The following SEL1L2 variants were observed in gnomAD, a reference collection of about 807,000 sequenced individuals.
SEL1L2 encodes SEL1L2 adaptor subunit of SYVN1 ubiquitin ligase.
A neutral mutation model predicts 98.8 loss-of-function variants in SEL1L2; 89 were observed. The ratio of observed to expected loss-of-function variants is 0.90; its 90% CI spans 0.76 to 1.07. The LOEUF (loss-of-function observed/expected upper bound fraction) is 1.07. SEL1L2 is among the 50% of genes least tolerant of loss of function. The pLI, the probability that SEL1L2 is intolerant of heterozygous loss-of-function variation, is 0.00. For synonymous variants in SEL1L2, 262 were observed against 278.5 expected, an observed-to-expected ratio of 0.94 and a Z score of 0.59; for missense variants, 788 against 812.0, an observed-to-expected ratio of 0.97 and a Z score of 0.36.
intron 5 of SEL1L2, among the ~76,000 whole-genome samples, chr20:13,898,492 T>G (rs1471710274): frequency 6.6e-6 from 1 of 152,192 alleles, no homozygotes; most frequent in African/African-American, 2.4e-5. Context: ...CTGAGATACC[T>G]TCTACTCTCT....
chr20:13,922,858 A>G (rs1477091175), intron 3 of SEL1L2, among the ~76,000 whole-genome samples: 1 of 152,192 alleles, frequency 6.6e-6, no homozygotes, highest in Non-Finnish European at 1.5e-5. Flanking sequence ...AAGATTTTAG[A>G]TTTTGTGGTA....
intron 2 of SEL1L2, among the ~76,000 whole-genome samples, chr20:13,943,484 T>G (rs1179057714): frequency 6.6e-6 from 1 of 151,890 alleles, no homozygotes; most frequent in Non-Finnish European, 1.5e-5. Flanking sequence ...CTCTGGGTTT[T>G]TTTTTTTTTT....
At chr20:13,851,587 A>G (rs1361638936) in intron 18 of SEL1L2, among the ~76,000 whole-genome samples, 1 of 145,742 alleles carries the variant, frequency 6.9e-6, no homozygotes, top group Non-Finnish European at 1.5e-5. Flanking sequence ...TTTTTCATCT[A>G]CTCATGCCTT....
intron 5 of SEL1L2, among the ~76,000 whole-genome samples, chr20:13,894,513 T>A (rs1032813844): frequency 3.9e-5 from 6 of 152,134 alleles, no homozygotes; most frequent in African/African-American, 1.4e-4. Flanking sequence ...TAAGCAGAGG[T>A]CACACCACTG....
At chr20:13,940,814 T>G (rs1379865459) in intron 2 of SEL1L2, among the ~76,000 whole-genome samples, 2 of 152,000 alleles carry the variant, frequency 1.3e-5, no homozygotes, top group Non-Finnish European at 2.9e-5. Context: ...GCAGGAGAAT[T>G]GCTTGAACCC....
chr20:13,907,423 G>T lies in SEL1L2; in HGVS notation c.549+6359C>A, dbSNP rs1008665252. Among the ~76,000 whole-genome samples the T allele has an allele frequency of 1.1e-4, 17 of 152,150 alleles. No homozygotes were observed. In the South Asian group the frequency reaches 1.5e-3, roughly 13 times the overall value. Reference sequence around the variant, plus strand: ...TAAAAAAAAAACTAAAACAATATTAGCCTGGTGTGGTGGCCTATGCTTGCA... The same window carrying T: ...TAAAAAAAAAACTAAAACAATATTATCCTGGTGTGGTGGCCTATGCTTGCA... On this transcript the variant is annotated intron_variant, in intron 5 of 19. Transcript: ENST00000284951.
chr20:13,877,372 C>T (rs1417335917), intron 11 of SEL1L2, 148 bp downstream of exon 11: 7 of 542,894 alleles, frequency 1.3e-5, no homozygotes, highest in African/African-American at 3.8e-5. Context: ...AGGGTCTTGC[C>T]GTGTTGCCCA....
At chr20:13,901,548 C>T (rs1286359811) in intron 5 of SEL1L2, among the ~76,000 whole-genome samples, 1 of 152,034 alleles carries the variant, frequency 6.6e-6, no homozygotes. Flanking sequence ...TGTGACTAAG[C>T]TATCTTTTTG....
rs372736770 is a variant in SEL1L2, at chr20:13,885,338, T to C, written c.957+9A>G. On this transcript the variant is annotated intron_variant, in intron 10 of 19. Transcript: ENST00000284951. Reference sequence around the variant, plus strand: ...CACCCCATTTGACTGGATCTTGAGATTGACTTACGTAGTAATCCTGATCTA... The same window carrying C: ...CACCCCATTTGACTGGATCTTGAGACTGACTTACGTAGTAATCCTGATCTA... 10 of 1,573,888 alleles carry C rather than the reference T, an allele frequency of 6.4e-6. No homozygotes were observed. The highest frequency in any genetic ancestry group is 1.7e-4 in the Middle Eastern group (1 of 6,010).
chr20:13,961,400 G>T (rs1295557803), intron 1 of SEL1L2, among the ~76,000 whole-genome samples: 2 of 152,204 alleles, frequency 1.3e-5, no homozygotes, highest in African/African-American at 4.8e-5. Flanking sequence ...CTTCCACTGA[G>T]ATAGAAGAAT....
At chr20:13,870,289 A>T in intron 12 of SEL1L2, 86 bp from the exon 13 acceptor site, 1 of 945,760 alleles carries the variant, frequency 1.1e-6, no homozygotes, top group East Asian at 2.4e-5. Context: ...AATATTTGAC[A>T]TGCACCCAGT....
In SEL1L2 at chr20:13,931,632, T is replaced by G; in HGVS notation, c.254A>C (p.Lys85Thr). The G allele has an allele frequency of 7.0e-7, 1 of 1,438,704 alleles. No homozygotes were observed. Among genetic ancestry groups the G allele is most frequent in the Non-Finnish European group, 9.5e-7 (1 of 1,054,790 alleles). 89.1% of individuals were successfully genotyped at this position (1,438,704 alleles called of 1,614,324 possible). The change falls in exon 3 of 20, where the codon AAA (lysine) becomes ACA (threonine). Residue 85 changes from lysine (K) to threonine (T), a missense_variant. Transcript: ENST00000284951. ...RKIRIKGIQNKDILKRNKNHL... is the reference protein window; with the variant it reads ...RKIRIKGIQNTDILKRNKNHL... The stretch of plus-strand genomic sequence containing the variant: ...ATTCTTATTTCTCTTCAAGATATCT[T>G]TATTTTGAATTCCTTTTATTCTTAT...
intron 5 of SEL1L2, among the ~76,000 whole-genome samples, chr20:13,903,930 A>G (rs961194969): frequency 3.7e-4 from 57 of 152,198 alleles, no homozygotes; most frequent in Non-Finnish European, 6.0e-4. Flanking sequence ...TCCAACTGCC[A>G]TTATCAAGCC....
intron 1 of SEL1L2, among the ~76,000 whole-genome samples, chr20:13,989,201 T>A (rs1219246293): frequency 1.3e-5 from 2 of 152,226 alleles, no homozygotes; most frequent in Non-Finnish European, 2.9e-5. Flanking sequence ...TCACACTTTT[T>A]TTGTAAAATT....
chr20:13,892,486 T>C (rs1439749174), intron 5 of SEL1L2, among the ~76,000 whole-genome samples: 1 of 151,038 alleles, frequency 6.6e-6, no homozygotes, highest in African/African-American at 2.4e-5. Context: ...TATAAATTAT[T>C]CATGGTAATC....
intron 2 of SEL1L2, among the ~76,000 whole-genome samples, chr20:13,937,405 C>T (rs2049508736): frequency 1.3e-5 from 2 of 152,214 alleles, no homozygotes; most frequent in South Asian, 2.1e-4. Flanking sequence ...GAATTCGTGC[C>T]TTACAAAGTC....
At chr20:13,960,096 C>T (rs2050711945) in intron 1 of SEL1L2, among the ~76,000 whole-genome samples, 1 of 152,126 alleles carries the variant, frequency 6.6e-6, no homozygotes, top group Admixed American at 6.5e-5. Flanking sequence ...TTTTAAACTC[C>T]ATTATCACAA....
chr20:13,900,743 C>A (rs536806447), intron 5 of SEL1L2, among the ~76,000 whole-genome samples: 1 of 152,278 alleles, frequency 6.6e-6, no homozygotes, highest in African/African-American at 2.4e-5. Context: ...TTTGTAGGGG[C>A]ACTGCTTTGG....
Position 13,913,947 on chromosome 20 carries a change from G to A in SEL1L2, c.387-3C>T. 1 of 1,556,016 alleles carries A rather than the reference G, an allele frequency of 6.4e-7. No individual in the cohort carries two copies. The highest frequency in any genetic ancestry group is 8.6e-7 in the Non-Finnish European group (1 of 1,161,158). The stretch of plus-strand genomic sequence containing the variant: ...CTTTGGCAAAAAGTAGGTAGGCTCT[G>A]TTTCAAGAATATAAAGTCAAGTTTG... On this transcript the variant is annotated splice_polypyrimidine_tract_variant and splice_region_variant and intron_variant, in intron 4 of 19. Coordinates refer to ENST00000284951, the MANE Select transcript of SEL1L2 (RefSeq NM_025229.2).
Sources: allele counts gnomAD v4.1 joint callset (sites outside exome capture counted in the v4.1 genomes callset), GRCh38; gene constraint gnomAD v4.1.1; transcripts MANE v1.5; gene names NCBI Gene and HGNC (gene_info 2026-07-23, HGNC 2026-07-21).